Variants in WWOX observed in about 807,000 individuals in gnomAD.
WWOX encodes the protein WW domain containing oxidoreductase.
A neutral mutation model predicts 46.2 loss-of-function variants in WWOX; 69 were observed. The ratio of observed to expected loss-of-function variants is 1.49; its 90% confidence interval spans 1.23 to 1.82. WWOX has a LOEUF of 1.82. WWOX is among the 40% of genes most tolerant of loss of function. The pLI is 0.00. For synonymous variants in WWOX, 359 were observed against 202.6 expected (o/e 1.77, Z -6.56); for missense variants, 919 against 542.6 (o/e 1.69, Z -6.89).
chr16:78,595,776 C>T (rs946394672), intron 8 of WWOX, among the ~76,000 whole-genome samples: 4 of 152,202 alleles, frequency 2.6e-5, no homozygotes, highest in Admixed American at 6.5e-5. Flanking sequence ...CATCTCAAAC[C>T]TTTATTATTT....
intron 8 of WWOX, among the ~76,000 whole-genome samples, chr16:78,474,726 C>G (rs1031043674): frequency 1.3e-4 from 20 of 152,092 alleles, no homozygotes; most frequent in African/African-American, 4.6e-4. Context: ...TTTTTACCTC[C>G]CATTCTCCAC....
intron 8 of WWOX, among the ~76,000 whole-genome samples, chr16:78,608,670 T>G (rs1369764243): frequency 1.3e-5 from 2 of 152,282 alleles, no homozygotes; most frequent in Non-Finnish European, 2.9e-5. Context: ...GCGTCCACCC[T>G]TGGTTTCAAA....
At position 78,899,003 on chromosome 16, in the gene WWOX, T is replaced by C. The variant is rs185998039; in HGVS notation, c.1057-312605T>C. ...ATTTATTTATTCACCTTTTCCTTTT[T>C]GTTAAATAGATTCTGTAGAATTCTC... On this transcript the variant is annotated intron_variant, in intron 8 of 8. Coordinates refer to ENST00000566780, the MANE Select transcript of WWOX (RefSeq NM_016373.4). 5 of 152,276 alleles carry C rather than the reference T, an allele frequency of 3.3e-5. No individual in the cohort carries two copies. The East Asian group carries it at 7.7e-4, about 23-fold the overall frequency. The allele number at this position is 152,276 out of a possible 1,614,324, so 9.4% of individuals were successfully genotyped here.
intron 6 of WWOX, among the ~76,000 whole-genome samples, chr16:78,398,671 C>T (rs1422079126): frequency 6.6e-6 from 1 of 152,166 alleles, no homozygotes; most frequent in East Asian, 1.9e-4. Flanking sequence ...GCTAATACAT[C>T]TTGGTCTTAG....
At chr16:78,651,369 A>G (rs1167803241) in intron 8 of WWOX, among the ~76,000 whole-genome samples, 1 of 152,218 alleles carries the variant, frequency 6.6e-6, no homozygotes, top group African/African-American at 2.4e-5. Flanking sequence ...ACTCTTAAAT[A>G]TCTGTGGATG....
intron 8 of WWOX, among the ~76,000 whole-genome samples, chr16:78,517,525 G>A (rs1303818853): frequency 6.6e-6 from 1 of 152,184 alleles, no homozygotes; most frequent in Non-Finnish European, 1.5e-5. Context: ...ACTGAATTAT[G>A]TGGGATTCAA....
At chr16:78,602,296 A>G (rs1438716551) in intron 8 of WWOX, among the ~76,000 whole-genome samples, 1 of 152,122 alleles carries the variant, frequency 6.6e-6, no homozygotes, top group Admixed American at 6.6e-5. Flanking sequence ...GCAGTGGTGT[A>G]ATCTCGGCTT....
intron 8 of WWOX, among the ~76,000 whole-genome samples, chr16:78,756,454 A>G (rs2049649336): frequency 6.6e-6 from 1 of 152,190 alleles, no homozygotes; most frequent in African/African-American, 2.4e-5. Flanking sequence ...GATTCCAGAA[A>G]AAGATTGATT....
intron 8 of WWOX, among the ~76,000 whole-genome samples, chr16:78,926,745 A>G (rs1597160483): frequency 1.3e-5 from 2 of 152,270 alleles, no homozygotes; most frequent in South Asian, 2.1e-4. Flanking sequence ...CTACATTTCT[A>G]GAAAGACCAT....
intron 8 of WWOX, among the ~76,000 whole-genome samples, chr16:78,758,490 G>A (rs915071997): frequency 1.3e-5 from 2 of 152,168 alleles, no homozygotes; most frequent in Admixed American, 6.5e-5. Flanking sequence ...TTGGAAGCAG[G>A]CTTCCCCCAA....
intron 8 of WWOX, among the ~76,000 whole-genome samples, chr16:78,498,761 C>T (rs2084980647): frequency 6.6e-6 from 1 of 152,160 alleles, no homozygotes; most frequent in Admixed American, 6.5e-5. Flanking sequence ...GGCATGATGG[C>T]ATGATCATAG....
intron 8 of WWOX, among the ~76,000 whole-genome samples, chr16:79,119,944 CA>C (rs2049594366): frequency 6.6e-6 from 1 of 152,078 alleles, no homozygotes; most frequent in Non-Finnish European, 1.5e-5. Flanking sequence ...AGAAATGGTT[CA>C]GGGGCCGTGG....
chr16:78,409,555 G>A (rs538308600), intron 6 of WWOX, among the ~76,000 whole-genome samples: 7 of 152,150 alleles, frequency 4.6e-5, no homozygotes, highest in African/African-American at 7.2e-5. Flanking sequence ...AAGACCTAGC[G>A]ACTTAAAACA....
chr16:78,232,401 A>AAC lies in WWOX; in HGVS notation c.516+68113_516+68114dup, dbSNP rs541149671. ...AGTTTTTCACTCCTTTCTTGCTTGC[A>AAC]ACTTGTCAGGTCGTTCCCTCCCCAG... is the stretch of plus-strand genomic sequence containing the variant. On this transcript the variant is annotated intron_variant, in intron 5 of 8. Transcript: ENST00000566780. Among the ~76,000 whole-genome samples, 122 of 152,290 alleles carry AAC rather than the reference A, an allele frequency of 8.0e-4. 1 individual carries two copies. Among genetic ancestry groups the AAC allele is most frequent in the African/African-American group, 2.8e-3 (117 of 41,566 alleles).
chr16:78,749,300 C>T (rs947810064), intron 8 of WWOX, among the ~76,000 whole-genome samples: 4 of 152,092 alleles, frequency 2.6e-5, no homozygotes, highest in Non-Finnish European at 5.9e-5. Flanking sequence ...ATCCTCTTCC[C>T]TACAGAGAGG....
chr16:78,687,875 T>A (rs935834251), intron 8 of WWOX, among the ~76,000 whole-genome samples: 3 of 152,144 alleles, frequency 2.0e-5, no homozygotes, highest in Non-Finnish European at 2.9e-5. Context: ...GATTAAAAAT[T>A]AGCTAGAAAC....
rs535621298 is a variant in WWOX at position 78,824,901 on chromosome 16, T to C, written c.1057-386707T>C. ...AGAACAGAGAGGAAGCGACACACCTTTCCTTTGGGAGCAATTTTTGGGTTG... is the reference window on the plus strand; with the variant it reads ...AGAACAGAGAGGAAGCGACACACCTCTCCTTTGGGAGCAATTTTTGGGTTG... On this transcript the variant is annotated intron_variant, in intron 8 of 8. Coordinates refer to ENST00000566780, the MANE Select transcript of WWOX (RefSeq NM_016373.4). Among the ~76,000 whole-genome samples, 18 of 152,292 alleles carry C rather than the reference T, an allele frequency of 1.2e-4. No homozygotes were observed. The East Asian group carries it at 3.3e-3, about 28-fold the overall frequency.
At chr16:78,747,022 A>G (rs997960021) in intron 8 of WWOX, among the ~76,000 whole-genome samples, 1 of 151,824 alleles carries the variant, frequency 6.6e-6, no homozygotes, top group Non-Finnish European at 1.5e-5. Flanking sequence ...CCTGCCTCTC[A>G]GTTTATTTCC....
At chr16:78,205,946 T>A (rs1203401065) in intron 5 of WWOX, among the ~76,000 whole-genome samples, 1 of 151,814 alleles carries the variant, frequency 6.6e-6, no homozygotes, top group Non-Finnish European at 1.5e-5. Flanking sequence ...TTTCTTTTGT[T>A]CCTTCCTTTC....
Sources: gnomAD v4.1 joint callset for allele counts (sites outside exome capture counted in the v4.1 genomes callset) on GRCh38, gnomAD v4.1.1 for gene constraint, MANE v1.5 for transcripts, NCBI Gene and HGNC (gene_info 2026-07-23, HGNC 2026-07-21) for gene names.